The following SLC27A6 variants were observed in gnomAD, a reference collection of about 807,000 sequenced individuals.
SLC27A6 encodes long-chain fatty acid transport protein 6.
Under a neutral mutation model 63.9 loss-of-function variants are expected in SLC27A6, and 74 were observed. The observed-to-expected ratio is 1.16, with a 90% CI of 0.96 to 1.40. SLC27A6 has a LOEUF of 1.40. SLC27A6 is among the 40% of genes most tolerant of loss of function. The probability of loss-of-function intolerance (pLI) is 0.00; values close to 1 mark genes in which losing one functional copy is unlikely to be tolerated. For missense variants in SLC27A6, 794 were observed against 732.9 expected (o/e 1.08, Z -0.96); for synonymous variants, 287 against 260.8 (o/e 1.10, Z -0.97).
At chr5:129,013,713 A>G (rs1369417858) in intron 4 of SLC27A6, among the ~76,000 whole-genome samples, 1 of 151,864 alleles carries the variant, frequency 6.6e-6, no homozygotes, top group African/African-American at 2.4e-5. Context: ...ATGTCTTTCT[A>G]TCACTTTTGG....
intron 4 of SLC27A6, among the ~76,000 whole-genome samples, chr5:128,997,105 T>A (rs1286376728): frequency 1.3e-5 from 2 of 152,176 alleles, no homozygotes; most frequent in African/African-American, 4.8e-5. Context: ...TCAATCAAAG[T>A]ACATAGTTTT....
At chr5:128,974,215 T>C (rs2577432) in intron 1 of SLC27A6, among the ~76,000 whole-genome samples, 36,687 of 152,210 alleles carry the variant, frequency 0.24, 4,973 homozygotes, top group Middle Eastern at 0.33. Context: ...CAGTTTTACT[T>C]GTGCCAGCTT....
At chr5:128,991,222 G>A (rs2150137031) in intron 4 of SLC27A6, among the ~76,000 whole-genome samples, 1 of 152,248 alleles carries the variant, frequency 6.6e-6, no homozygotes, top group Non-Finnish European at 1.5e-5. Context: ...TTTATGACCT[G>A]ATTGGCCGGG....
intron 4 of SLC27A6, among the ~76,000 whole-genome samples, chr5:129,001,469 G>T (rs1751331270): frequency 6.6e-6 from 1 of 152,204 alleles, no homozygotes; most frequent in African/African-American, 2.4e-5. Context: ...TACATAAGGT[G>T]TGTTGGTGTG....
At chr5:128,981,289 G>A (rs1750576392) in intron 1 of SLC27A6, among the ~76,000 whole-genome samples, 1 of 151,984 alleles carries the variant, frequency 6.6e-6, no homozygotes, top group Admixed American at 6.6e-5. Context: ...AGACCAGCCT[G>A]GCCAACATGG....
chr5:128,966,425 C>T lies in SLC27A6; in HGVS notation c.288C>T (p.Phe96=). Residue 96 remains phenylalanine, a synonymous_variant, in exon 1 of 10, where the codon TTC becomes TTT. Transcript: ENST00000262462. ...DKRSSRVAHV[F]LNHSSLKKGD... ...GGAGCAGCAGAGTGGCCCATGTCTT[C>T]CTGAACCATTCCTCTCTGAAAAAGG... 1 of 1,608,024 alleles carries T rather than the reference C, an allele frequency of 6.2e-7. No homozygotes were observed. The highest frequency in any genetic ancestry group is 8.5e-7 in the Non-Finnish European group (1 of 1,177,124).
At chr5:129,027,449 T>C in intron 7 of SLC27A6, 118 bp downstream of exon 7, 1 of 713,240 alleles carries the variant, frequency 1.4e-6, no homozygotes, top group Non-Finnish European at 2.4e-6. Flanking sequence ...TTTATCTCCA[T>C]GTCTCCTCAT....
chr5:129,023,071 G>A (rs562491400), intron 5 of SLC27A6, among the ~76,000 whole-genome samples: 5 of 152,120 alleles, frequency 3.3e-5, no homozygotes, highest in East Asian at 3.9e-4. Flanking sequence ...GTTTAGGAGC[G>A]TTACAGTGAA....
Position 129,025,743 on chromosome 5 carries a change from A to G in SLC27A6, c.1256-1390A>G, listed in dbSNP as rs1343976088. On this transcript the variant is annotated intron_variant, in intron 6 of 9. Transcript: ENST00000262462. ...TGATATGATGATGATGATGATGATG[A>G]TGCTATCAGACTGCTGGGGCAGAGA... Among the ~76,000 whole-genome samples, 4 of 152,182 alleles carry G rather than the reference A, an allele frequency of 2.6e-5. No individual in the cohort carries two copies. The East Asian group carries it at 7.7e-4, about 29-fold the overall frequency.
At chr5:129,025,859 G>A (rs371115052) in intron 6 of SLC27A6, among the ~76,000 whole-genome samples, 1 of 152,148 alleles carries the variant, frequency 6.6e-6, no homozygotes, top group African/African-American at 2.4e-5. Flanking sequence ...CTGTTGGCTG[G>A]GTGCGGTGGC....
At chr5:129,032,254 C>G (rs1274324984) in intron 9 of SLC27A6, among the ~76,000 whole-genome samples, 3 of 151,976 alleles carry the variant, frequency 2.0e-5, no homozygotes, top group African/African-American at 7.2e-5. Flanking sequence ...GAGTAGCCAC[C>G]TGAAAAATAA....
At chr5:128,998,302 A>G (rs922254587) in intron 4 of SLC27A6, among the ~76,000 whole-genome samples, 1 of 152,050 alleles carries the variant, frequency 6.6e-6, no homozygotes, top group Non-Finnish European at 1.5e-5. Context: ...TTCAAAATAA[A>G]AAAAGTAATA....
At chr5:129,006,558 T>C (rs907075386) in intron 4 of SLC27A6, among the ~76,000 whole-genome samples, 2 of 151,944 alleles carry the variant, frequency 1.3e-5, no homozygotes, top group Non-Finnish European at 2.9e-5. Context: ...TTGTCATTAT[T>C]ATAATAAATA....
At chr5:128,992,696 C>T (rs778886835) in intron 4 of SLC27A6, among the ~76,000 whole-genome samples, 5 of 152,186 alleles carry the variant, frequency 3.3e-5, no homozygotes, top group African/African-American at 7.2e-5. Flanking sequence ...CACAACCTCA[C>T]ATATTTTATC....
At position 129,028,364 on chromosome 5, in the gene SLC27A6, G is replaced by T. The variant is rs373236456; in HGVS notation, c.1474G>T (p.Ala492Ser). The change falls in exon 8 of 10, where the codon GCA becomes TCA. Residue 492 changes from alanine (A) to serine (S), a missense_variant. Coordinates refer to ENST00000262462, the MANE Select transcript of SLC27A6 (RefSeq NM_001017372.3). ...ATTTAGATGGAAAGGAGAAAATGTC[G>T]CAACCACTGAGGTTGCTGATGTTAT... ...DTFRWKGENV[A>S]TTEVADVIGM... 1 of 1,609,072 alleles carries T rather than the reference G, an allele frequency of 6.2e-7. No individual in the cohort carries two copies. Among genetic ancestry groups the T allele is most frequent in the Non-Finnish European group, 8.5e-7 (1 of 1,176,252 alleles).
intron 6 of SLC27A6, among the ~76,000 whole-genome samples, chr5:129,024,662 G>T (rs1208291103): frequency 6.6e-6 from 1 of 152,030 alleles, no homozygotes; most frequent in African/African-American, 2.4e-5. Context: ...CAATTAACTT[G>T]CTGCTGCATA....
chr5:128,996,560 G>A (rs1040636386), intron 4 of SLC27A6, among the ~76,000 whole-genome samples: 2 of 152,072 alleles, frequency 1.3e-5, no homozygotes, highest in African/African-American at 2.4e-5. Context: ...CAATCCTGCA[G>A]TGAGCCCCTA....
intron 3 of SLC27A6, among the ~76,000 whole-genome samples, chr5:128,989,317 A>G (rs968665344): frequency 1.3e-5 from 2 of 152,176 alleles, no homozygotes; most frequent in Non-Finnish European, 2.9e-5. Context: ...CACTCAATAA[A>G]TTAGTTGGTA....
chr5:129,026,815 A>G (rs1267898742), intron 6 of SLC27A6, among the ~76,000 whole-genome samples: 1 of 152,132 alleles, frequency 6.6e-6, no homozygotes, highest in Non-Finnish European at 1.5e-5. Context: ...TATCTGTGGT[A>G]ACATCTACAT....
Sources: allele counts gnomAD v4.1 joint callset (sites outside exome capture counted in the v4.1 genomes callset), GRCh38; gene constraint gnomAD v4.1.1; transcripts MANE v1.5; gene names NCBI Gene and HGNC (gene_info 2026-07-23, HGNC 2026-07-21).